Variants in RPL14 observed in about 807,000 individuals in gnomAD.
RPL14 encodes large ribosomal subunit protein eL14.
Under a neutral mutation model 25.3 loss-of-function variants are expected in RPL14, and 4 were observed. The ratio of observed to expected loss-of-function variants is 0.16; its 90% CI spans 0.08 to 0.36. The LOEUF (loss-of-function observed/expected upper bound fraction) is 0.36. Ranked by LOEUF, RPL14 falls within the 10% of genes least tolerant of loss-of-function variation. The probability of loss-of-function intolerance (pLI) is 1.00; values close to 1 mark genes in which losing one functional copy is unlikely to be tolerated. For synonymous variants in RPL14, 75 were observed against 89.8 expected (o/e 0.84, Z 0.93); for missense variants, 212 against 261.9 (o/e 0.81, Z 1.31).
At chr3:40,457,583 G>A (rs750211348) in intron 1 of RPL14, 109 bp downstream of exon 1, 2 of 929,456 alleles carry the variant, frequency 2.2e-6, no homozygotes, top group African/African-American at 1.7e-5. Flanking sequence ...GGCCTGGCGC[G>A]CCTTGGGCCA....
At chr3:40,457,555 C>A in intron 1 of RPL14, 81 bp downstream of exon 1, 1 of 1,224,042 alleles carries the variant, frequency 8.2e-7, no homozygotes, top group Non-Finnish European at 1.2e-6. Context: ...CGCTGGCGAG[C>A]GCGTGGAGGG....
rs913109322 is a variant in RPL14 at position 40,467,568 on chromosome 3, T to C, written c.*5336T>C. On this transcript the variant is annotated 3_prime_UTR_variant, in exon 6 of 6. Coordinates refer to ENST00000396203, the MANE Select transcript of RPL14 (RefSeq NM_001034996.3). The stretch of plus-strand genomic sequence containing the variant: ...CTGCATTGGTGAAGGTCATCTTTAC[T>C]CAGTCTACCCATTCAAATGCCAATC... The C allele has an allele frequency of 2.6e-5, 4 of 152,322 alleles. No homozygotes were observed. The highest frequency in any genetic ancestry group is 9.6e-5 in the African/African-American group (4 of 41,468). The allele number at this position is 152,322 out of a possible 1,614,324, so 9.4% of individuals were successfully genotyped here. A position where few individuals can be genotyped will look rare whatever the true frequency, so the allele number is the denominator to read the frequency against.
chr3:40,461,312 A>G lies in RPL14; in HGVS notation c.201-95A>G. 4 of 976,836 alleles carry G rather than the reference A, an allele frequency of 4.1e-6. No individual in the cohort carries two copies. In the South Asian group the frequency reaches 5.5e-5, roughly 13 times the overall value. 60.5% of individuals were successfully genotyped at this position (976,836 alleles called of 1,614,324 possible). ...TACATAGTGTACCAGGTGTTGTGTA[A>G]CAGGAAGAGTGCTTTTCAAGGAACA... On this transcript the variant is annotated intron_variant, in intron 3 of 5. Transcript: ENST00000396203.
Position 40,467,363 on chromosome 3 carries a change from C to T in RPL14, c.*5131C>T, listed in dbSNP as rs1254964360. ...GATAATTCAAACTGGGTCCAGAGGC[C>T]TGAGAACTGGAAGGGCCAGTGGTGT... On this transcript the variant is annotated 3_prime_UTR_variant, in exon 6 of 6. Coordinates refer to ENST00000396203, the MANE Select transcript of RPL14 (RefSeq NM_001034996.3). 1 of 152,198 alleles carries T rather than the reference C, an allele frequency of 6.6e-6. No individual in the cohort carries two copies. Among genetic ancestry groups the T allele is most frequent in the Non-Finnish European group, 1.5e-5 (1 of 68,048 alleles). 9.4% of individuals were successfully genotyped at this position (152,198 alleles called of 1,614,324 possible). A position where few individuals can be genotyped will look rare whatever the true frequency, so the allele number is the denominator to read the frequency against.
At chr3:40,460,515 GTC>G (rs1696920200) in intron 3 of RPL14, among the ~76,000 whole-genome samples, 3 of 147,544 alleles carry the variant, frequency 2.0e-5, no homozygotes, top group East Asian at 2.0e-4. Context: ...GCAAGACCCT[GTC>G]TCAAAAAAAG....
chr3:40,458,243 C>G, intron 2 of RPL14: 1 of 565,462 alleles, frequency 1.8e-6, no homozygotes, highest in African/African-American at 1.9e-5. Flanking sequence ...AAATGAGTTA[C>G]TATACGTAAA....
At chr3:40,460,616 G>GT (rs59007316) in intron 3 of RPL14, among the ~76,000 whole-genome samples, 102,415 of 147,336 alleles carry the variant, frequency 0.7, 35,700 homozygotes, top group African/African-American at 0.72. Context: ...TTTTTTGAGG[G>GT]TTTTTTTTTT....
At chr3:40,460,574 TTATA>T (rs1244802998) in intron 3 of RPL14, among the ~76,000 whole-genome samples, 14 of 150,988 alleles carry the variant, frequency 9.3e-5, no homozygotes, top group African/African-American at 3.4e-4. Flanking sequence ...CCGAGTGGAA[TTATA>T]TATAGTCAGA....
intron 2 of RPL14, 58 bp from the exon 3 acceptor site, chr3:40,458,584 C>T: frequency 1.5e-6 from 2 of 1,322,404 alleles, no homozygotes; most frequent in Non-Finnish European, 2.2e-6. Flanking sequence ...ACAGAACCAT[C>T]TGACCATTTT....
rs1475786853 is a variant in RPL14, at chr3:40,462,771, GAT to G, written c.*541_*542del. On this transcript the variant is annotated 3_prime_UTR_variant, in exon 6 of 6. Coordinates refer to ENST00000396203, the MANE Select transcript of RPL14 (RefSeq NM_001034996.3). Reference sequence around the variant, plus strand: ...AATTGATCATGTCATGAGAAATCATGATAACTTAGAACACCAAGTGACACAAG... The same window carrying G: ...AATTGATCATGTCATGAGAAATCATGAACTTAGAACACCAAGTGACACAAG... 1.3e-5 allele frequency: 2 copies of G among 152,332 alleles called. No homozygotes were observed. Among genetic ancestry groups the G allele is most frequent in the African/African-American group, 4.8e-5 (2 of 41,442 alleles). 9.4% of individuals were successfully genotyped at this position (152,332 alleles called of 1,614,324 possible).
rs1488507160 is a variant in RPL14, at chr3:40,467,370, C to G, written c.*5138C>G. 6.6e-6 allele frequency: 1 copy of G among 152,210 alleles called. No homozygotes were observed. The highest frequency in any genetic ancestry group is 1.5e-5 in the Non-Finnish European group (1 of 68,040). 9.4% of individuals were successfully genotyped at this position (152,210 alleles called of 1,614,324 possible). Reference sequence around the variant, plus strand: ...CAAACTGGGTCCAGAGGCCTGAGAACTGGAAGGGCCAGTGGTGTAAGTCCT... The same window carrying G: ...CAAACTGGGTCCAGAGGCCTGAGAAGTGGAAGGGCCAGTGGTGTAAGTCCT... On this transcript the variant is annotated 3_prime_UTR_variant, in exon 6 of 6. Coordinates refer to ENST00000396203, the MANE Select transcript of RPL14 (RefSeq NM_001034996.3).
At chr3:40,461,336 C>T (rs1696933745) in intron 3 of RPL14, 71 bp from the exon 4 acceptor site, 3 of 1,291,678 alleles carry the variant, frequency 2.3e-6, no homozygotes, top group Non-Finnish European at 2.2e-6. Context: ...TTTCAAGGAA[C>T]AAAGAAAGTG....
chr3:40,459,775 C>T (rs893153296), intron 3 of RPL14, among the ~76,000 whole-genome samples: 1 of 143,090 alleles, frequency 7.0e-6, no homozygotes, highest in Non-Finnish European at 1.5e-5. Context: ...AGGAGAATGG[C>T]GTGAGCCCGG....
Position 40,457,762 on chromosome 3 carries a change from C to A in RPL14, c.4-128C>A. 3 of 917,684 alleles carry A rather than the reference C, an allele frequency of 3.3e-6. No individual in the cohort carries two copies. The South Asian group carries it at 4.6e-5, about 14-fold the overall frequency. The allele number at this position is 917,684 out of a possible 1,614,324, so 56.8% of individuals were successfully genotyped here. A position where few individuals can be genotyped will look rare whatever the true frequency, so the allele number is the denominator to read the frequency against. The stretch of plus-strand genomic sequence containing the variant: ...CGTCCATCCAGGTTGGCGCCTGGCT[C>A]TCGGGCGTTTGTTCCCTGCAGCATT... On this transcript the variant is annotated intron_variant, in intron 1 of 5. Coordinates refer to ENST00000396203, the MANE Select transcript of RPL14 (RefSeq NM_001034996.3).
At chr3:40,457,817 T>G in intron 1 of RPL14, 73 bp from the exon 2 acceptor site, 1 of 1,365,362 alleles carries the variant, frequency 7.3e-7, no homozygotes. Context: ...CATGTTGTCT[T>G]TAGCTGCAGA....
rs1575253592 is a variant in RPL14, at chr3:40,464,164, C to T, written c.*1932C>T. 1 of 303,480 alleles carries T rather than the reference C, an allele frequency of 3.3e-6. No individual in the cohort carries two copies. The highest frequency in any genetic ancestry group is 7.8e-5 in the East Asian group (1 of 12,882). 18.8% of individuals were successfully genotyped at this position (303,480 alleles called of 1,614,324 possible). A position where few individuals can be genotyped will look rare whatever the true frequency, so the allele number is the denominator to read the frequency against. ...TATTAGAGATGGGGTTTTGCCATGT[C>T]AGCCAGACTGGTCTTGAACTCCTGA... On this transcript the variant is annotated 3_prime_UTR_variant, in exon 6 of 6. Coordinates refer to ENST00000396203, the MANE Select transcript of RPL14 (RefSeq NM_001034996.3).
rs144429894 is a variant in RPL14 at position 40,461,169 on chromosome 3, C to G, written c.201-238C>G. 3.4e-4 allele frequency among the ~76,000 whole-genome samples: 51 copies of G among 151,606 alleles called. No individual in the cohort carries two copies. The East Asian group carries it at 8.2e-3, about 24-fold the overall frequency. On this transcript the variant is annotated intron_variant, in intron 3 of 5. Transcript: ENST00000396203. ...CATGATCATACTATTGCATTCCAGC[C>G]TGGGTGGCAAGCAAGATCCTCTCTC...
In RPL14 at chr3:40,467,481, A is replaced by G. The variant is rs950589071; in HGVS notation, c.*5249A>G. 2.0e-5 allele frequency: 3 copies of G among 152,438 alleles called. No individual in the cohort carries two copies. The highest frequency in any genetic ancestry group is 7.2e-5 in the African/African-American group (3 of 41,448). 9.4% of individuals were successfully genotyped at this position (152,438 alleles called of 1,614,324 possible). ...ATGGGTTTCCCAGATTAAAAAAGCA[A>G]ATTCACGCTTCCTCCCCCATTTTGT... On this transcript the variant is annotated 3_prime_UTR_variant, in exon 6 of 6. Coordinates refer to ENST00000396203, the MANE Select transcript of RPL14 (RefSeq NM_001034996.3).
In RPL14 at chr3:40,462,753, C is replaced by T. The variant is rs1304604168; in HGVS notation, c.*521C>T. The T allele has an allele frequency of 6.5e-6, 1 of 152,690 alleles. No individual in the cohort carries two copies. The highest frequency in any genetic ancestry group is 6.5e-5 in the Admixed American group (1 of 15,342). 9.5% of individuals were successfully genotyped at this position (152,690 alleles called of 1,614,324 possible). ...CAAAATCATTGCAGTCATAATTGAT[C>T]ATGTCATGAGAAATCATGATAACTT... is the stretch of plus-strand genomic sequence containing the variant. On this transcript the variant is annotated 3_prime_UTR_variant, in exon 6 of 6. Transcript: ENST00000396203.
Sources: gnomAD v4.1 joint callset for allele counts (sites outside exome capture counted in the v4.1 genomes callset) on GRCh38, gnomAD v4.1.1 for gene constraint, MANE v1.5 for transcripts, NCBI Gene and HGNC (gene_info 2026-07-23, HGNC 2026-07-21) for gene names.